Variants in RIMBP2 observed in about 807,000 individuals in gnomAD.
RIMBP2 encodes the protein RIMS binding protein 2, also known as RIMS-binding protein 2.
In RIMBP2, 48 loss-of-function variants were observed where a neutral mutation model predicts 118.6. That is an observed-to-expected ratio of 0.40 (90% CI 0.32 to 0.51). The LOEUF (loss-of-function observed/expected upper bound fraction) is 0.51. Among genes scored for constraint, RIMBP2 ranks in the 20% least tolerant of loss-of-function variants. The pLI is 0.41. For synonymous variants in RIMBP2, 762 were observed against 742.9 expected (o/e 1.03, Z -0.42); for missense variants, 1,551 against 1,768.3 (o/e 0.88, Z 2.20).
chr12:130,573,647 G>A (rs890958373), intron 2 of RIMBP2, among the ~76,000 whole-genome samples: 1 of 152,034 alleles, frequency 6.6e-6, no homozygotes, highest in Non-Finnish European at 1.5e-5. Flanking sequence ...ACCCCCACCT[G>A]GGGGGGTGAT....
rs889571980 is a variant in RIMBP2 at position 130,446,502 on chromosome 12, G to A, written c.582-1233C>T. Among the ~76,000 whole-genome samples, 12 of 152,156 alleles carry A rather than the reference G, an allele frequency of 7.9e-5. No individual in the cohort carries two copies. The highest frequency in any genetic ancestry group is 2.7e-4 in the African/African-American group (11 of 41,426). On this transcript the variant is annotated intron_variant, in intron 9 of 22. Coordinates refer to ENST00000690449, the MANE Select transcript of RIMBP2 (RefSeq NM_001393629.1). The surrounding 1 kb of genome is among the most constrained non-coding windows in gnomAD (Gnocchi z 4.1). ...CAGTTTTAACCACACCAGGTCACGT[G>A]GCCCCTCATGGTCAGGGTGCAGAGG...
chr12:130,664,399 G>GCACA (rs2063791195), intron 1 of RIMBP2, among the ~76,000 whole-genome samples: 2 of 48,324 alleles, frequency 4.1e-5, no homozygotes, highest in Non-Finnish European at 6.0e-5. Context: ...GCACACACAC[G>GCACA]CACGCACGCA....
At chr12:130,490,122 TC>T (rs1162511377) in intron 4 of RIMBP2, among the ~76,000 whole-genome samples, 50 of 83,058 alleles carry the variant, frequency 6.0e-4, no homozygotes, top group Middle Eastern at 4.8e-3. Context: ...AGACTCTGTC[TC>T]AAAAAAAAAA....
chr12:130,450,145 C>T lies in RIMBP2; in HGVS notation c.581+55G>A. 1 of 1,150,756 alleles carries T rather than the reference C, an allele frequency of 8.7e-7. No individual in the cohort carries two copies. The highest frequency in any genetic ancestry group is 1.3e-6 in the Non-Finnish European group (1 of 778,358). The allele number at this position is 1,150,756 out of a possible 1,614,324, so 71.3% of individuals were successfully genotyped here. ...GACCCCAGAGTGTTCCCAGACCCAACATCTCATCTGCCCCACTCACAGGGG... is the reference window on the plus strand; with the variant it reads ...GACCCCAGAGTGTTCCCAGACCCAATATCTCATCTGCCCCACTCACAGGGG... On this transcript the variant is annotated intron_variant, in intron 9 of 22. Coordinates refer to ENST00000690449, the MANE Select transcript of RIMBP2 (RefSeq NM_001393629.1). The surrounding 1 kb of genome is among the most constrained non-coding windows in gnomAD (Gnocchi z 4.8).
In RIMBP2 at chr12:130,447,919, T is replaced by C. The variant is rs1348401839; in HGVS notation, c.581+2281A>G. 6.6e-6 allele frequency among the ~76,000 whole-genome samples: 1 copy of C among 152,130 alleles called. No individual in the cohort carries two copies. The highest frequency in any genetic ancestry group is 2.4e-5 in the African/African-American group (1 of 41,416). ...GAGGCTTTCGGTTTGCAGAAATGTCTAAGCAGGTTGCTGAATAATGACAGC... is the reference window on the plus strand; with the variant it reads ...GAGGCTTTCGGTTTGCAGAAATGTCCAAGCAGGTTGCTGAATAATGACAGC... On this transcript the variant is annotated intron_variant, in intron 9 of 22. Transcript: ENST00000690449. This position sits in a 1 kb window ranked among gnomAD's most constrained non-coding sequence, Gnocchi z 4.4.
At chr12:130,556,620 C>T (rs2056380986) in intron 2 of RIMBP2, among the ~76,000 whole-genome samples, 1 of 152,212 alleles carries the variant, frequency 6.6e-6, no homozygotes, top group African/African-American at 2.4e-5. Flanking sequence ...GAGCTGGAGC[C>T]TTGCAGGGAG....
rs746066047 is a variant in RIMBP2, at chr12:130,399,680, C to G, written c.3899G>C (p.Arg1300Thr). 2.2e-5 allele frequency: 35 copies of G among 1,614,096 alleles called. No homozygotes were observed. The East Asian group carries it at 6.9e-4, about 32-fold the overall frequency. The change falls in exon 22 of 23, where the codon AGG becomes ACG. Residue 1300 changes from arginine (R) to threonine (T), a missense_variant and splice_region_variant. Around this residue, in one of 5 missense-constraint regions of RIMBP2, gnomAD observed 1,038 missense variants for 1,125.1 expected, o/e 0.92. Coordinates refer to ENST00000690449, the MANE Select transcript of RIMBP2 (RefSeq NM_001393629.1). Reference protein sequence around the residue: ...QDTPMRSKAKRVPPEGSGTAR... With the variant: ...QDTPMRSKAKTVPPEGSGTAR... ...AAAAGGCTAAATAGGTTTGCTTACC[C>G]TTTTTGCCTTTGAGCGCATTGGCGT...
At chr12:130,532,194 C>T (rs555395257) in intron 2 of RIMBP2, among the ~76,000 whole-genome samples, 11 of 143,266 alleles carry the variant, frequency 7.7e-5, no homozygotes, top group African/African-American at 1.6e-4. Context: ...TAATGAGATG[C>T]GTGTGTGTAG....
intron 6 of RIMBP2, among the ~76,000 whole-genome samples, chr12:130,467,251 T>C (rs75144048): frequency 0.021 from 3,178 of 152,346 alleles, 92 homozygotes; most frequent in East Asian, 0.16. Flanking sequence ...CTATAAATTA[T>C]TGTTTAAGAG....
intron 6 of RIMBP2, among the ~76,000 whole-genome samples, chr12:130,467,113 C>T (rs2080552747): frequency 6.6e-6 from 1 of 152,214 alleles, no homozygotes; most frequent in Non-Finnish European, 1.5e-5. Flanking sequence ...GCTGAACGAA[C>T]TCTGTGAGGA....
At chr12:130,592,931 A>G (rs933711997) in intron 2 of RIMBP2, among the ~76,000 whole-genome samples, 3 of 152,156 alleles carry the variant, frequency 2.0e-5, no homozygotes, top group Non-Finnish European at 2.9e-5. Flanking sequence ...TTCTGGCCTC[A>G]TCTTCCATAC....
intron 14 of RIMBP2, chr12:130,432,347 G>C (rs905230655): frequency 2.2e-6 from 1 of 455,710 alleles, no homozygotes; most frequent in Non-Finnish European, 4.4e-6. Context: ...AAGAGCTTAC[G>C]TTTACTGAGC....
chr12:130,510,228 A>G (rs1384800516), intron 3 of RIMBP2, among the ~76,000 whole-genome samples: 2 of 152,188 alleles, frequency 1.3e-5, no homozygotes, highest in Non-Finnish European at 2.9e-5. Context: ...CCTAAATCCT[A>G]TTTGTCCCAC....
chr12:130,442,218 G>A lies in RIMBP2; in HGVS notation c.1134C>T (p.Ala378=). ...KALIEKLNMA[A]CTYRISVQCV... The stretch of plus-strand genomic sequence containing the variant: ...ACTGCACGGAGATGCGGTAGGTGCA[G>A]GCTGCCATGTTGAGCTTCTCGATGA... The change falls in exon 11 of 23, where the codon GCC becomes GCT. Residue 378 remains alanine, a synonymous_variant. Coordinates refer to ENST00000690449, the MANE Select transcript of RIMBP2 (RefSeq NM_001393629.1). The surrounding 1 kb of genome is among the most constrained non-coding windows in gnomAD (Gnocchi z 6.9). 3.7e-6 allele frequency: 6 copies of A among 1,614,186 alleles called. No homozygotes were observed. The highest frequency in any genetic ancestry group is 5.1e-6 in the Non-Finnish European group (6 of 1,180,032).
chr12:130,671,832 G>T (rs187757653), intron 1 of RIMBP2, among the ~76,000 whole-genome samples: 25 of 152,092 alleles, frequency 1.6e-4, no homozygotes, highest in African/African-American at 5.8e-4. Flanking sequence ...GCCTGAAATG[G>T]CCTCCTCCAA....
At chr12:130,557,740 T>C (rs535689474) in intron 2 of RIMBP2, among the ~76,000 whole-genome samples, 4 of 152,344 alleles carry the variant, frequency 2.6e-5, no homozygotes, top group African/African-American at 9.6e-5. Flanking sequence ...CCTGCGGAGA[T>C]TGATTTTTAA....
rs141539262 is a variant in RIMBP2, at chr12:130,567,073, T to C, written c.-216-49156A>G. On this transcript the variant is annotated intron_variant, in intron 2 of 22. Transcript: ENST00000690449. The stretch of plus-strand genomic sequence containing the variant: ...ATGAAAGAGGTGAAGGAAGTTGGTA[T>C]AAAAAGCTCTGACCAGACCAAACTC... 4.4e-3 allele frequency among the ~76,000 whole-genome samples: 668 copies of C among 152,296 alleles called. 5 individuals carry two copies. The highest frequency in any genetic ancestry group is 0.015 in the African/African-American group (625 of 41,566).
chr12:130,446,798 G>A lies in RIMBP2; in HGVS notation c.582-1529C>T, dbSNP rs1038143850. ...CAGGGAGCGACAGGATCATGTTTGCGTTTTACAAAGAGACCTCGTGGGTGC... is the reference window on the plus strand; with the variant it reads ...CAGGGAGCGACAGGATCATGTTTGCATTTTACAAAGAGACCTCGTGGGTGC... On this transcript the variant is annotated intron_variant, in intron 9 of 22. Transcript: ENST00000690449. This position sits in a 1 kb window ranked among gnomAD's most constrained non-coding sequence, Gnocchi z 4.1. Among the ~76,000 whole-genome samples the A allele has an allele frequency of 1.7e-4, 26 of 152,184 alleles. No individual in the cohort carries two copies. Among genetic ancestry groups the A allele is most frequent in the African/African-American group, 6.3e-4 (26 of 41,440 alleles).
At chr12:130,528,810 A>T (rs1429034826) in intron 2 of RIMBP2, among the ~76,000 whole-genome samples, 1 of 152,184 alleles carries the variant, frequency 6.6e-6, no homozygotes, top group African/African-American at 2.4e-5. Flanking sequence ...CAATTATGCC[A>T]CACAGCTGAG....
Sources: gnomAD v4.1 joint callset for allele counts (sites outside exome capture counted in the v4.1 genomes callset) on GRCh38, gnomAD v4.1.1 for gene constraint, gnomAD v4.1.1 regional missense constraint, Gnocchi (gnomAD v3.1) non-coding constraint, MANE v1.5 for transcripts, NCBI Gene and HGNC (gene_info 2026-07-23, HGNC 2026-07-21) for gene names.